The following ENTREP2 variants were observed in gnomAD, a reference collection of about 807,000 sequenced individuals.
ENTREP2 encodes endosomal transmembrane epsin interactor 2.
the ENTREP2 span, among the ~76,000 whole-genome samples, chr15:29,402,324 A>G: frequency 1.9e-4 from 25 of 128,566 alleles, no homozygotes; most frequent in Admixed American, 4.1e-4. Context: ...GTGTGTATAT[A>G]TGTATATTGG....
At chr15:29,314,163 A>G in the ENTREP2 span, among the ~76,000 whole-genome samples, 3 of 152,256 alleles carry the variant, frequency 2.0e-5, no homozygotes. Context: ...TGGTGAAGAT[A>G]CTGCAGACAT....
At chr15:29,275,891 TGGAA>T in the ENTREP2 span, among the ~76,000 whole-genome samples, 1 of 152,126 alleles carries the variant, frequency 6.6e-6, no homozygotes, top group African/African-American at 2.4e-5. Context: ...CCTTTTCCAG[TGGAA>T]GAAAGTGGGC....
the ENTREP2 span, among the ~76,000 whole-genome samples, chr15:29,566,140 G>A: frequency 6.6e-6 from 1 of 151,838 alleles, no homozygotes; most frequent in Non-Finnish European, 1.5e-5. Context: ...GTATGTGTGT[G>A]TATATATATT....
At chr15:29,213,026 T>A in the ENTREP2 span, among the ~76,000 whole-genome samples, 1 of 152,186 alleles carries the variant, frequency 6.6e-6, no homozygotes, top group Non-Finnish European at 1.5e-5. Context: ...CAGTTTACCC[T>A]GCACCATTTA....
At chr15:29,376,417 C>G in the ENTREP2 span, 1 of 151,800 alleles carries the variant, frequency 6.6e-6, no homozygotes, top group African/African-American at 2.4e-5. Flanking sequence ...GTAAGGAAGA[C>G]AATGATCTCA....
the ENTREP2 span, among the ~76,000 whole-genome samples, chr15:29,139,675 T>G: frequency 6.6e-6 from 1 of 152,188 alleles, no homozygotes; most frequent in African/African-American, 2.4e-5. Context: ...CTGGAGGCTA[T>G]GTAAAGGTCA....
chr15:29,667,213 A>G, the ENTREP2 span, among the ~76,000 whole-genome samples: 2 of 150,048 alleles, frequency 1.3e-5, no homozygotes, highest in South Asian at 4.2e-4. Context: ...TTTGAGGCAG[A>G]GTCTCACTCC....
At chr15:29,160,862 G>A in the ENTREP2 span, among the ~76,000 whole-genome samples, 3 of 151,988 alleles carry the variant, frequency 2.0e-5, no homozygotes, top group Non-Finnish European at 4.4e-5. Context: ...GGTCTCATGG[G>A]AACCTATTAT....
At chr15:29,431,003 C>T in the ENTREP2 span, among the ~76,000 whole-genome samples, 1 of 152,198 alleles carries the variant, frequency 6.6e-6, no homozygotes, top group Non-Finnish European at 1.5e-5. Flanking sequence ...GTTTCTGCTG[C>T]TTGCCCTAAA....
At chr15:29,151,161 T>C in the ENTREP2 span, among the ~76,000 whole-genome samples, 1 of 152,230 alleles carries the variant, frequency 6.6e-6, no homozygotes, top group Non-Finnish European at 1.5e-5. Flanking sequence ...CCACATATTA[T>C]AACATGTGTT....
chr15:29,189,624 T>A, the ENTREP2 span, among the ~76,000 whole-genome samples: 1 of 152,110 alleles, frequency 6.6e-6, no homozygotes, highest in Admixed American at 6.5e-5. Flanking sequence ...TAGGTCACTA[T>A]AATAAAAGCA....
At chr15:29,292,825 A>G in the ENTREP2 span, among the ~76,000 whole-genome samples, 1 of 152,238 alleles carries the variant, frequency 6.6e-6, no homozygotes, top group Non-Finnish European at 1.5e-5. Flanking sequence ...GGATAAATCC[A>G]ATCAGTTGCT....
the ENTREP2 span, among the ~76,000 whole-genome samples, chr15:29,322,021 A>G: frequency 2.1e-5 from 3 of 145,804 alleles, no homozygotes; most frequent in Non-Finnish European, 4.6e-5. Flanking sequence ...CTTTGAAGAA[A>G]GGAAAATGAA....
chr15:29,135,209 C>T, the ENTREP2 span, among the ~76,000 whole-genome samples: 27 of 152,176 alleles, frequency 1.8e-4, no homozygotes, highest in African/African-American at 4.8e-4. This position sits in a 1 kb window ranked among gnomAD's most constrained non-coding sequence, Gnocchi z 7.4. Flanking sequence ...CCCCAGTCCC[C>T]GAGGCCTCCA....
At chr15:29,197,938 C>A in the ENTREP2 span, among the ~76,000 whole-genome samples, 7 of 152,100 alleles carry the variant, frequency 4.6e-5, no homozygotes, top group African/African-American at 1.4e-4. Flanking sequence ...CCATTTATAA[C>A]CATAACAAAT....
chr15:29,291,245 C>T, the ENTREP2 span, among the ~76,000 whole-genome samples: 1 of 152,166 alleles, frequency 6.6e-6, no homozygotes, highest in Non-Finnish European at 1.5e-5. Flanking sequence ...ATTGAAATTT[C>T]AAGGGTTTTT....
the ENTREP2 span, among the ~76,000 whole-genome samples, chr15:29,239,151 C>CTT: frequency 1.3e-5 from 2 of 152,170 alleles, no homozygotes; most frequent in Non-Finnish European, 2.9e-5. Flanking sequence ...AACCATAATC[C>CTT]TTTCCACATC....
chr15:29,388,632 T>A, the ENTREP2 span, among the ~76,000 whole-genome samples: 4 of 152,088 alleles, frequency 2.6e-5, no homozygotes, highest in Non-Finnish European at 4.4e-5. Flanking sequence ...ACCCAAAGGA[T>A]TATAAATCAT....
At chr15:29,391,152 C>CA in the ENTREP2 span, among the ~76,000 whole-genome samples, 1 of 152,050 alleles carries the variant, frequency 6.6e-6, no homozygotes, top group Admixed American at 6.6e-5. Context: ...GCTCACGAGG[C>CA]ATGCAGGCCT....
Sources: allele counts gnomAD v4.1 joint callset (sites outside exome capture counted in the v4.1 genomes callset), GRCh38; gene constraint gnomAD v4.1.1; non-coding constraint Gnocchi (gnomAD v3.1); transcripts MANE v1.5; gene names NCBI Gene and HGNC (gene_info 2026-07-23, HGNC 2026-07-21).